Variants in GULP1 observed in about 807,000 individuals in gnomAD.
GULP1 encodes the protein GULP PTB domain containing engulfment adaptor 1, also known as PTB domain-containing engulfment adapter protein 1.
A neutral mutation model predicts 40.9 loss-of-function variants in GULP1; 19 were observed. The ratio of observed to expected loss-of-function variants is 0.46; its 90% CI spans 0.32 to 0.68. The LOEUF (loss-of-function observed/expected upper bound fraction) is 0.68. Ranked by LOEUF, GULP1 falls within the 30% of genes least tolerant of loss-of-function variation. The pLI, the probability that GULP1 is intolerant of heterozygous loss-of-function variation, is 0.03. For synonymous variants in GULP1, 119 were observed against 117.6 expected (o/e 1.01, Z -0.08); for missense variants, 312 against 362.2 (o/e 0.86, Z 1.12).
At chr2:188,346,308 G>A (rs193026497) in intron 1 of GULP1, among the ~76,000 whole-genome samples, 6 of 152,204 alleles carry the variant, frequency 3.9e-5, no homozygotes, top group Admixed American at 3.3e-4. Flanking sequence ...GAAATCTCCG[G>A]GTTAATGAGA....
chr2:188,587,049 TG>T (rs1702535606), intron 10 of GULP1, among the ~76,000 whole-genome samples: 1 of 151,992 alleles, frequency 6.6e-6, no homozygotes, highest in African/African-American at 2.4e-5. Flanking sequence ...TATAGTGTAA[TG>T]TTTTTCCAAT....
At chr2:188,360,382 A>T (rs1025252703) in intron 1 of GULP1, among the ~76,000 whole-genome samples, 1 of 152,098 alleles carries the variant, frequency 6.6e-6, no homozygotes, top group African/African-American at 2.4e-5. Flanking sequence ...TTTTCTTCTA[A>T]CACTAAATTT....
At chr2:188,509,895 G>A (rs1293995248) in intron 4 of GULP1, among the ~76,000 whole-genome samples, 1 of 152,050 alleles carries the variant, frequency 6.6e-6, no homozygotes, top group Non-Finnish European at 1.5e-5. Context: ...CAGGTCAGAG[G>A]TTTGGGTCTA....
At chr2:188,579,538 A>G (rs1700855245) in intron 9 of GULP1, among the ~76,000 whole-genome samples, 1 of 152,088 alleles carries the variant, frequency 6.6e-6, no homozygotes, top group Admixed American at 6.6e-5. Context: ...TGTGTTGGGA[A>G]CAGCTAGTTC....
intron 1 of GULP1, among the ~76,000 whole-genome samples, chr2:188,294,921 G>T (rs2034594790): frequency 6.6e-6 from 1 of 152,102 alleles, no homozygotes; most frequent in Non-Finnish European, 1.5e-5. Context: ...ATGTAATAAT[G>T]ACATATCTGG....
intron 2 of GULP1, among the ~76,000 whole-genome samples, chr2:188,387,234 C>T (rs1292105391): frequency 6.7e-6 from 1 of 149,664 alleles, no homozygotes; most frequent in Non-Finnish European, 1.5e-5. Context: ...GAGACTCCAT[C>T]TAAAAAAAAA....
intron 2 of GULP1, among the ~76,000 whole-genome samples, chr2:188,411,330 C>T (rs775671318): frequency 1.3e-5 from 2 of 152,152 alleles, no homozygotes; most frequent in African/African-American, 2.4e-5. Context: ...GGTGCCATAT[C>T]GAAGGCTTAG....
chr2:188,533,286 G>C (rs183927491), intron 6 of GULP1, among the ~76,000 whole-genome samples: 1 of 152,076 alleles, frequency 6.6e-6, no homozygotes, highest in East Asian at 1.9e-4. Flanking sequence ...AAAAGTCTGT[G>C]GTACAGCAAC....
intron 1 of GULP1, among the ~76,000 whole-genome samples, chr2:188,353,485 G>C (rs1388463463): frequency 6.6e-6 from 1 of 152,148 alleles, no homozygotes; most frequent in Non-Finnish European, 1.5e-5. Flanking sequence ...CTGAGCTGAA[G>C]CTACACATTG....
intron 7 of GULP1, among the ~76,000 whole-genome samples, chr2:188,557,957 TG>T (rs764327018): frequency 2.0e-5 from 3 of 152,160 alleles, no homozygotes; most frequent in Admixed American, 6.5e-5. Flanking sequence ...AGTGGGGCCA[TG>T]GGCCTGGCCC....
chr2:188,366,257 C>G (rs914780527), intron 1 of GULP1, among the ~76,000 whole-genome samples: 3 of 151,940 alleles, frequency 2.0e-5, no homozygotes, highest in African/African-American at 7.3e-5. Context: ...CCCCCAAACA[C>G]CCCATAAAAA....
intron 2 of GULP1, among the ~76,000 whole-genome samples, chr2:188,408,573 G>A (rs995279764): frequency 2.0e-5 from 3 of 152,020 alleles, no homozygotes; most frequent in African/African-American, 7.3e-5. Context: ...ATAATATTAG[G>A]GGACTTTGAT....
At chr2:188,401,578 T>C (rs973911360) in intron 2 of GULP1, among the ~76,000 whole-genome samples, 1 of 152,118 alleles carries the variant, frequency 6.6e-6, no homozygotes, top group African/African-American at 2.4e-5. Context: ...ATTGAGCATC[T>C]TTTGATTTAT....
chr2:188,500,318 A>G (rs1231584731), intron 4 of GULP1, among the ~76,000 whole-genome samples: 1 of 151,930 alleles, frequency 6.6e-6, no homozygotes, highest in Non-Finnish European at 1.5e-5. Flanking sequence ...TAGCAAAATA[A>G]GGGACACAGA....
intron 2 of GULP1, among the ~76,000 whole-genome samples, chr2:188,428,162 G>A (rs2056440453): frequency 6.6e-6 from 1 of 152,184 alleles, no homozygotes; most frequent in South Asian, 2.1e-4. Flanking sequence ...TTCGGAATGG[G>A]GGTATTTACC....
intron 1 of GULP1, among the ~76,000 whole-genome samples, chr2:188,375,896 T>C (rs73038414): frequency 0.048 from 7,239 of 152,144 alleles, 319 homozygotes; most frequent in East Asian, 0.18. Flanking sequence ...CCTCAGGGGA[T>C]TGATTCCAGG....
chr2:188,512,930 A>G (rs2064745091), intron 4 of GULP1, among the ~76,000 whole-genome samples: 2 of 152,246 alleles, frequency 1.3e-5, no homozygotes, highest in East Asian at 3.9e-4. Flanking sequence ...TCTTACTAGC[A>G]TTTTAAGAGT....
chr2:188,315,663 T>C (rs1273462020), intron 1 of GULP1, among the ~76,000 whole-genome samples: 2 of 152,156 alleles, frequency 1.3e-5, no homozygotes, highest in African/African-American at 2.4e-5. Flanking sequence ...CCTCAGTGGA[T>C]GCCTGAAACC....
intron 4 of GULP1, 55 bp downstream of exon 4, chr2:188,483,547 T>G: frequency 4.4e-6 from 3 of 684,186 alleles, no homozygotes; most frequent in Non-Finnish European, 7.3e-6. Flanking sequence ...TCATTACTAA[T>G]TCATGGCTAA....
Sources: allele counts gnomAD v4.1 joint callset (sites outside exome capture counted in the v4.1 genomes callset), GRCh38; gene constraint gnomAD v4.1.1; transcripts MANE v1.5; gene names NCBI Gene and HGNC (gene_info 2026-07-23, HGNC 2026-07-21).